Variants in CAPS2 observed in about 807,000 individuals in gnomAD.
The protein encoded by CAPS2 is calcyphosin-2.
Under a neutral mutation model 86.5 loss-of-function variants are expected in CAPS2, and 98 were observed. The ratio of observed to expected loss-of-function variants is 1.13; its 90% CI spans 0.96 to 1.34. CAPS2 has a LOEUF of 1.34. CAPS2 is among the 40% of genes most tolerant of loss of function. CAPS2 has a pLI of 0.00. For synonymous variants in CAPS2, 210 were observed against 225.1 expected (o/e 0.93, Z 0.60); for missense variants, 729 against 686.8 (o/e 1.06, Z -0.69).
chr12:75,366,600 A>G (rs2043978951), intron 1 of CAPS2, among the ~76,000 whole-genome samples: 2 of 152,096 alleles, frequency 1.3e-5, no homozygotes. Context: ...CGGCACCTCA[A>G]AGTGGATCAT....
rs1333688605 is a variant in CAPS2 at position 75,289,276 on chromosome 12, C to T, written c.1395+345G>A. On this transcript the variant is annotated intron_variant, in intron 14 of 16. Coordinates refer to ENST00000393284, the Ensembl canonical transcript of CAPS2. ...TGATCTTTGTTCTCCTTCCCCACAA[C>T]CTGTCTTGGAATCAGGTACCTACCC... Among the ~76,000 whole-genome samples, 3 of 152,168 alleles carry T rather than the reference C, an allele frequency of 2.0e-5. No individual in the cohort carries two copies. The East Asian group carries it at 5.8e-4, about 29-fold the overall frequency.
At chr12:75,318,740 T>G (rs745450087) in intron 5 of CAPS2, among the ~76,000 whole-genome samples, 4 of 152,140 alleles carry the variant, frequency 2.6e-5, no homozygotes, top group Non-Finnish European at 5.9e-5. Flanking sequence ...CAAGCTGGGT[T>G]GACTGATTAA....
At chr12:75,361,590 T>C (rs1481112826) in intron 1 of CAPS2, among the ~76,000 whole-genome samples, 1 of 152,172 alleles carries the variant, frequency 6.6e-6, no homozygotes, top group Non-Finnish European at 1.5e-5. Flanking sequence ...AATTGACTCA[T>C]GGTTCCACGT....
intron 6 of CAPS2, among the ~76,000 whole-genome samples, chr12:75,315,772 T>C (rs2039694612): frequency 6.6e-6 from 1 of 152,168 alleles, no homozygotes; most frequent in African/African-American, 2.4e-5. Flanking sequence ...TCCAAGCAGC[T>C]TGGTCCCTTA....
chr12:75,323,305 A>C (rs1488761439), intron 2 of CAPS2, 83 bp from the exon 4 acceptor site: 2 of 1,112,882 alleles, frequency 1.8e-6, no homozygotes, highest in Non-Finnish European at 2.6e-6. Context: ...CATGTTTTAT[A>C]AATAGGTACA....
At chr12:75,330,941 C>T (rs192614716), upstream of CAPS2, among the ~76,000 whole-genome samples, 17 of 152,208 alleles carry the variant, frequency 1.1e-4, no homozygotes, top group African/African-American at 4.1e-4. Flanking sequence ...CCCACCACCA[C>T]GCCCGGTTAA....
intron 13 of CAPS2, among the ~76,000 whole-genome samples, chr12:75,290,325 A>T (rs538698743): frequency 6.2e-4 from 94 of 152,346 alleles, no homozygotes; most frequent in African/African-American, 2.1e-3. Flanking sequence ...TTATTTGCTT[A>T]GATCCCTAGC....
chr12:75,297,435 T>C (rs2037095126), intron 11 of CAPS2, among the ~76,000 whole-genome samples: 1 of 152,210 alleles, frequency 6.6e-6, no homozygotes, highest in Non-Finnish European at 1.5e-5. Context: ...CAAAGAATTT[T>C]TATTCTTCTA....
chr12:75,276,490 C>T (rs1200482951), downstream of CAPS2: 93 of 975,162 alleles, frequency 9.5e-5, no homozygotes, highest in Non-Finnish European at 1.1e-4. Flanking sequence ...TATGCAGAGT[C>T]GCTGGTTCAT....
intron 14 of CAPS2, among the ~76,000 whole-genome samples, chr12:75,285,951 T>C (rs2034803213): frequency 6.6e-6 from 1 of 152,024 alleles, no homozygotes. Context: ...TTATGCCAGT[T>C]TATTCACTTT....
At chr12:75,330,568 C>G (rs1035258208), upstream of CAPS2, among the ~76,000 whole-genome samples, 3 of 152,054 alleles carry the variant, frequency 2.0e-5, no homozygotes, top group Non-Finnish European at 4.4e-5. Context: ...GGAGCTTGCA[C>G]TTATTTTTTT....
At chr12:75,332,466 T>A (rs1357355943), upstream of CAPS2, among the ~76,000 whole-genome samples, 1 of 152,206 alleles carries the variant, frequency 6.6e-6, no homozygotes, top group African/African-American at 2.4e-5. Flanking sequence ...AAACATCCAC[T>A]GAACACCTTC....
chr12:75,295,067 A>G (rs1168666427), intron 11 of CAPS2: 4 of 152,170 alleles, frequency 2.6e-5, no homozygotes, highest in African/African-American at 9.7e-5. Context: ...CAAAGGACAA[A>G]CAATAGCCTG....
chr12:75,374,718 A>G (rs917937338), intron 1 of CAPS2, among the ~76,000 whole-genome samples: 3 of 152,238 alleles, frequency 2.0e-5, no homozygotes, highest in Non-Finnish European at 4.4e-5. Flanking sequence ...CAGTGAAGGT[A>G]TACTGCTTGC....
intron 14 of CAPS2, among the ~76,000 whole-genome samples, chr12:75,286,526 A>T (rs2034895847): frequency 6.6e-6 from 1 of 151,790 alleles, no homozygotes; most frequent in African/African-American, 2.4e-5. Context: ...CTTAAGAGAT[A>T]TAAATATATA....
At chr12:75,312,961 C>T (rs1434933307) in intron 6 of CAPS2, 46 bp from the exon 7 acceptor site, 9 of 1,085,854 alleles carry the variant, frequency 8.3e-6, no homozygotes, top group Non-Finnish European at 1.3e-5. Context: ...TAAAGCAGAA[C>T]CATACAATAC....
rs146939521 is a variant in CAPS2, at chr12:75,374,913, C to A, written c.-395+15925G>T. ...ACACTTGGTTAAGCCTAGGATAATT[C>A]ACTGTCATTGTCCAAGATCCATTTA... On this transcript the variant is annotated intron_variant, in intron 1 of 5. Coordinates refer to the CAPS2 transcript ENST00000551829. Among the ~76,000 whole-genome samples the A allele has an allele frequency of 1.1e-4, 17 of 152,296 alleles. 1 individual carries two copies. The East Asian group carries it at 1.2e-3, about 10-fold the overall frequency.
At chr12:75,295,366 C>T (rs2036705851) in intron 11 of CAPS2, among the ~76,000 whole-genome samples, 1 of 152,176 alleles carries the variant, frequency 6.6e-6, no homozygotes, top group South Asian at 2.1e-4. Context: ...TGCTGCACCA[C>T]CATAACTGTC....
At chr12:75,363,833 A>G (rs1483638335) in intron 1 of CAPS2, among the ~76,000 whole-genome samples, 1 of 152,154 alleles carries the variant, frequency 6.6e-6, no homozygotes, top group Non-Finnish European at 1.5e-5. Flanking sequence ...CTTGTTTTTT[A>G]CATTTTAAGG....
Sources: allele counts gnomAD v4.1 joint callset (sites outside exome capture counted in the v4.1 genomes callset), GRCh38; gene constraint gnomAD v4.1.1; transcripts MANE v1.5; gene names NCBI Gene and HGNC (gene_info 2026-07-23, HGNC 2026-07-21).